EML1: variants seen among roughly 807,000 people sequenced by gnomAD.
The protein encoded by EML1 is EMAP like 1.
Under a neutral mutation model 110.4 loss-of-function variants are expected in EML1, and 27 were observed. That is an observed-to-expected ratio of 0.24 (90% CI 0.18 to 0.34). EML1 has a LOEUF of 0.34. Among genes scored for constraint, EML1 ranks in the 10% least tolerant of loss-of-function variants. The probability of loss-of-function intolerance (pLI) is 1.00; values close to 1 mark genes in which losing one functional copy is unlikely to be tolerated. For synonymous variants in EML1, 344 were observed against 385.8 expected, an observed-to-expected ratio of 0.89 and a Z score of 1.27; for missense variants, 741 against 1,030.9, an observed-to-expected ratio of 0.72 and a Z score of 3.85.
At chr14:99,740,577 G>T (rs1373196723) in intron 1 of EML1, among the ~76,000 whole-genome samples, 1 of 152,114 alleles carries the variant, frequency 6.6e-6, no homozygotes, top group East Asian at 1.9e-4. Flanking sequence ...GGGTGAGCCG[G>T]AGCTAAGGTT....
intron 1 of EML1, among the ~76,000 whole-genome samples, chr14:99,775,541 G>A (rs112775707): frequency 4.0e-4 from 61 of 152,352 alleles, no homozygotes; most frequent in Non-Finnish European, 7.6e-4. Context: ...ATGGATGGAC[G>A]TGACAGATCC....
At chr14:99,842,014 A>G (rs1013714147) in intron 1 of EML1, among the ~76,000 whole-genome samples, 7 of 112,898 alleles carry the variant, frequency 6.2e-5, no homozygotes, top group African/African-American at 1.9e-4. Flanking sequence ...TAAAGTGATA[A>G]TAGACAAGAA....
intron 17 of EML1, among the ~76,000 whole-genome samples, chr14:99,932,953 C>CA (rs2060399471): frequency 1.3e-5 from 2 of 151,696 alleles, no homozygotes; most frequent in African/African-American, 4.8e-5. Flanking sequence ...CCCGTCTCAA[C>CA]AAAAAAATAA....
chr14:99,793,237 C>T (rs1222577979), upstream of EML1: 1 of 701,110 alleles, frequency 1.4e-6, no homozygotes. Context: ...CCACGTCCCC[C>T]TCCCGGCCCG....
At chr14:99,754,357 C>T (rs1158590694) in intron 1 of EML1, among the ~76,000 whole-genome samples, 10 of 152,212 alleles carry the variant, frequency 6.6e-5, no homozygotes, top group Non-Finnish European at 1.5e-4. Flanking sequence ...CCTCCCCTGC[C>T]CCCTGCCTCC....
chr14:99,744,269 C>T (rs1056759380), intron 1 of EML1, among the ~76,000 whole-genome samples: 10 of 152,096 alleles, frequency 6.6e-5, no homozygotes, highest in African/African-American at 2.4e-4. Context: ...CCCCTCCCTG[C>T]TCCCAGGGCA....
At chr14:99,914,507 G>C in intron 14 of EML1, 59 bp from the exon 15 acceptor site, 3 of 1,551,116 alleles carry the variant, frequency 1.9e-6, no homozygotes, top group Non-Finnish European at 1.7e-6. Flanking sequence ...ATCCCTTACG[G>C]CTCCTGAGTG....
rs1454754736 is a variant in EML1 at position 99,905,496 on chromosome 14, A to G, written c.1009-2142A>G. On this transcript the variant is annotated intron_variant, in intron 9 of 21. Coordinates refer to ENST00000262233, the MANE Select transcript of EML1 (RefSeq NM_004434.3). This position sits in a 1 kb window ranked among gnomAD's most constrained non-coding sequence, Gnocchi z 4.1. The stretch of plus-strand genomic sequence containing the variant: ...AGGGAGGCCAGAGAAAGACCTGCCC[A>G]CTGCAGTGACACTGAAAAGTTCAGG... 6.6e-6 allele frequency among the ~76,000 whole-genome samples: 1 copy of G among 152,226 alleles called. No homozygotes were observed. The highest frequency in any genetic ancestry group is 1.5e-5 in the Non-Finnish European group (1 of 68,038).
chr14:99,804,543 G>A (rs2057937232), intron 1 of EML1, among the ~76,000 whole-genome samples: 1 of 152,186 alleles, frequency 6.6e-6, no homozygotes, highest in Non-Finnish European at 1.5e-5. Context: ...GGGGTTTGAA[G>A]CCAAGCATTC....
chr14:99,917,902 T>C, intron 16 of EML1, 53 bp downstream of exon 16: 1 of 1,572,162 alleles, frequency 6.4e-7, no homozygotes, highest in African/African-American at 1.4e-5. Context: ...AAAAGAGGCC[T>C]GTTGTTTCTA....
chr14:99,939,882 G>T lies in EML1; in HGVS notation c.2323-105G>T. On this transcript the variant is annotated intron_variant, in intron 21 of 21. Transcript: ENST00000262233. The surrounding 1 kb of genome is among the most constrained non-coding windows in gnomAD (Gnocchi z 4.2). The stretch of plus-strand genomic sequence containing the variant: ...CCCAAGTGAGAGCTGCCGAGCGGAG[G>T]GCGAGTAAAGGAATTAAGGCATGCA... The T allele has an allele frequency of 7.3e-7, 1 of 1,372,518 alleles. No homozygotes were observed. The highest frequency in any genetic ancestry group is 9.6e-7 in the Non-Finnish European group (1 of 1,037,888). 85.0% of individuals were successfully genotyped at this position (1,372,518 alleles called of 1,614,324 possible). A position where few individuals can be genotyped will look rare whatever the true frequency, so the allele number is the denominator to read the frequency against.
chr14:99,939,445 A>T lies in EML1; in HGVS notation c.2322+118A>T. ...CGACTGCTGCCAGCCACAAAGGCAGATGTGACTCTGTTCTTTGCGCCCTGA... is the reference window on the plus strand; with the variant it reads ...CGACTGCTGCCAGCCACAAAGGCAGTTGTGACTCTGTTCTTTGCGCCCTGA... On this transcript the variant is annotated intron_variant, in intron 21 of 21. Coordinates refer to ENST00000262233, the MANE Select transcript of EML1 (RefSeq NM_004434.3). This position sits in a 1 kb window ranked among gnomAD's most constrained non-coding sequence, Gnocchi z 4.2. 1 of 1,491,652 alleles carries T rather than the reference A, an allele frequency of 6.7e-7. No homozygotes were observed. Among genetic ancestry groups the T allele is most frequent in the Admixed American group, 1.9e-5 (1 of 51,284 alleles). The allele number at this position is 1,491,652 out of a possible 1,614,324, so 92.4% of individuals were successfully genotyped here.
At chr14:99,816,117 A>ATT (rs1378416517) in intron 1 of EML1, among the ~76,000 whole-genome samples, 1 of 152,184 alleles carries the variant, frequency 6.6e-6, no homozygotes, top group Non-Finnish European at 1.5e-5. Flanking sequence ...GGCCTGGGGT[A>ATT]CCTCTGTGGT....
chr14:99,781,312 G>C lies in EML1; in HGVS notation c.-27+7299G>C, dbSNP rs1327725035. ...GTTTCCTGGCCAGCTCTAGCCCTAAGGCCCTGCCCTTGCTCATGGGGTGTG... is the reference window on the plus strand; with the variant it reads ...GTTTCCTGGCCAGCTCTAGCCCTAACGCCCTGCCCTTGCTCATGGGGTGTG... On this transcript the variant is annotated intron_variant, in intron 1 of 22. Coordinates refer to the EML1 transcript ENST00000327921. This position sits in a 1 kb window ranked among gnomAD's most constrained non-coding sequence, Gnocchi z 4.2. Among the ~76,000 whole-genome samples the C allele has an allele frequency of 6.6e-6, 1 of 151,954 alleles. No individual in the cohort carries two copies. The highest frequency in any genetic ancestry group is 1.5e-5 in the Non-Finnish European group (1 of 67,992).
chr14:99,905,699 T>A lies in EML1; in HGVS notation c.1009-1939T>A, dbSNP rs2059833739. Among the ~76,000 whole-genome samples the A allele has an allele frequency of 6.6e-6, 1 of 152,190 alleles. No individual in the cohort carries two copies. The highest frequency in any genetic ancestry group is 2.4e-5 in the African/African-American group (1 of 41,454). On this transcript the variant is annotated intron_variant, in intron 9 of 21. Transcript: ENST00000262233. The surrounding 1 kb of genome is among the most constrained non-coding windows in gnomAD (Gnocchi z 4.1). ...TAAACCCAAAGATGATAATAGCAGT[T>A]AACGTCCCATAGTGCCAAGCCTGTT... is the stretch of plus-strand genomic sequence containing the variant.
chr14:99,823,150 C>T (rs1363459939), intron 1 of EML1, among the ~76,000 whole-genome samples: 3 of 152,158 alleles, frequency 2.0e-5, no homozygotes, highest in African/African-American at 7.2e-5. Context: ...TGGGGTGGGA[C>T]GGCCAGCTTA....
chr14:99,904,465 T>C (rs943250483), intron 9 of EML1, among the ~76,000 whole-genome samples: 1 of 152,232 alleles, frequency 6.6e-6, no homozygotes, highest in Non-Finnish European at 1.5e-5. Flanking sequence ...AAAACAGTTT[T>C]TATTTCCCAA....
intron 17 of EML1, among the ~76,000 whole-genome samples, chr14:99,930,626 A>G (rs528385388): frequency 6.6e-6 from 1 of 152,350 alleles, no homozygotes; most frequent in Admixed American, 6.5e-5. Flanking sequence ...CAGCTCCCTC[A>G]GGCTTATTAA....
intron 4 of EML1, among the ~76,000 whole-genome samples, chr14:99,889,074 G>A (rs765860248): frequency 8.5e-5 from 13 of 152,206 alleles, no homozygotes; most frequent in South Asian, 4.1e-4. Flanking sequence ...CGTTCTCCAC[G>A]CTCAGGGCCT....
Sources: allele counts gnomAD v4.1 joint callset (sites outside exome capture counted in the v4.1 genomes callset), GRCh38; gene constraint gnomAD v4.1.1; non-coding constraint Gnocchi (gnomAD v3.1); transcripts MANE v1.5; gene names NCBI Gene and HGNC (gene_info 2026-07-23, HGNC 2026-07-21).